The following PDE1A variants were observed in gnomAD, a reference collection of about 807,000 sequenced individuals.
PDE1A encodes the protein dual specificity calcium/calmodulin-dependent 3',5'-cyclic nucleotide phosphodiesterase 1A.
Under a neutral mutation model 61.7 loss-of-function variants are expected in PDE1A, and 35 were observed. The ratio of observed to expected loss-of-function variants is 0.57; its 90% CI spans 0.43 to 0.75. The LOEUF (loss-of-function observed/expected upper bound fraction) is 0.75. Ranked by LOEUF, PDE1A falls within the 30% of genes least tolerant of loss-of-function variation. The probability of loss-of-function intolerance (pLI) is 0.00; values close to 1 mark genes in which losing one functional copy is unlikely to be tolerated. For missense variants in PDE1A, 597 were observed against 630.6 expected, an observed-to-expected ratio of 0.95 and a Z score of 0.57; for synonymous variants, 232 against 213.2, an observed-to-expected ratio of 1.09 and a Z score of -0.77.
intron 1 of PDE1A, among the ~76,000 whole-genome samples, chr2:182,422,417 A>T (rs1703337721): frequency 6.6e-6 from 1 of 152,248 alleles, no homozygotes; most frequent in South Asian, 2.1e-4. Flanking sequence ...AAAACAAAAT[A>T]TCAAGTAAGA....
At chr2:182,491,299 G>A (rs539819569) in intron 2 of PDE1A, among the ~76,000 whole-genome samples, 13 of 152,200 alleles carry the variant, frequency 8.5e-5, no homozygotes, top group African/African-American at 2.4e-4. Context: ...AAGATTTTTC[G>A]GGAAGTCTAT....
intron 2 of PDE1A, among the ~76,000 whole-genome samples, chr2:182,434,620 C>T (rs971562294): frequency 2.0e-5 from 3 of 152,050 alleles, no homozygotes; most frequent in African/African-American, 7.2e-5. Flanking sequence ...TAAAAGTCCC[C>T]ACCTCTACTA....
the PDE1A span, among the ~76,000 whole-genome samples, chr2:182,639,538 G>A: frequency 1.3e-5 from 2 of 151,906 alleles, no homozygotes; most frequent in African/African-American, 2.4e-5. Flanking sequence ...ACTGCACTCC[G>A]GCCTGCATGA....
chr2:182,544,268 T>G, the PDE1A span, among the ~76,000 whole-genome samples: 4 of 152,048 alleles, frequency 2.6e-5, no homozygotes, highest in African/African-American at 9.7e-5. Context: ...TTGCTCAGAG[T>G]AGCAGCAGGA....
In PDE1A at chr2:182,186,704, T is replaced by C. The variant is rs557793094; in HGVS notation, c.1208-116A>G. 5.9e-5 allele frequency: 56 copies of C among 955,420 alleles called. No homozygotes were observed. The African/African-American group carries it at 8.5e-4, about 14-fold the overall frequency. 59.2% of individuals were successfully genotyped at this position (955,420 alleles called of 1,614,324 possible). A position where few individuals can be genotyped will look rare whatever the true frequency, so the allele number is the denominator to read the frequency against. ...CAATCCTGGGATAGCAAGAATCAACTAAAATATTGGTTCTGCTTACCCTTT... is the reference window on the plus strand; with the variant it reads ...CAATCCTGGGATAGCAAGAATCAACCAAAATATTGGTTCTGCTTACCCTTT... On this transcript the variant is annotated intron_variant, in intron 11 of 13. Transcript: ENST00000351439.
chr2:182,635,888 C>T, the PDE1A span, among the ~76,000 whole-genome samples: 329 of 151,200 alleles, frequency 2.2e-3, 1 homozygote, highest in Non-Finnish European at 2.8e-3. Flanking sequence ...TCTCCCACTG[C>T]TCTGAGTCCT....
At chr2:182,676,136 A>C in the PDE1A span, among the ~76,000 whole-genome samples, 1 of 152,142 alleles carries the variant, frequency 6.6e-6, no homozygotes, top group African/African-American at 2.4e-5. Context: ...TTCAAAAGAT[A>C]AATGAATCCA....
rs1321811394 is a variant in PDE1A at position 182,455,045 on chromosome 2, C to T, written c.101+67231G>A. Among the ~76,000 whole-genome samples, 5 of 151,772 alleles carry T rather than the reference C, an allele frequency of 3.3e-5. No individual in the cohort carries two copies. The East Asian group carries it at 9.7e-4, about 30-fold the overall frequency. On this transcript the variant is annotated intron_variant, in intron 2 of 14. Coordinates refer to the PDE1A transcript ENST00000410103. Reference sequence around the variant, plus strand: ...TAATATCCAGAATCTACAATGAACTCAAACAAATTTACAAGAAAAAAACAA... The same window carrying T: ...TAATATCCAGAATCTACAATGAACTTAAACAAATTTACAAGAAAAAAACAA...
the PDE1A span, among the ~76,000 whole-genome samples, chr2:182,573,881 TAA>T: frequency 7.3e-4 from 103 of 140,424 alleles, 1 homozygote; most frequent in African/African-American, 2.9e-3. Context: ...GTATATATAT[TAA>T]TATATATACA....
chr2:182,264,991 TTA>T (rs1692527293), intron 1 of PDE1A, among the ~76,000 whole-genome samples: 2 of 150,862 alleles, frequency 1.3e-5, no homozygotes, highest in Non-Finnish European at 3.0e-5. Context: ...TTATTCTAAG[TTA>T]GGTGACTCAG....
At chr2:182,672,214 G>T in the PDE1A span, among the ~76,000 whole-genome samples, 2 of 152,042 alleles carry the variant, frequency 1.3e-5, no homozygotes. Flanking sequence ...TGTTCCCATT[G>T]TTACCTATTG....
chr2:182,303,738 A>G (rs1433822873), intron 1 of PDE1A, among the ~76,000 whole-genome samples: 1 of 152,218 alleles, frequency 6.6e-6, no homozygotes, highest in Non-Finnish European at 1.5e-5. Flanking sequence ...CATCTTTTCC[A>G]TTAGGCTGAT....
the PDE1A span, among the ~76,000 whole-genome samples, chr2:182,583,639 C>G: frequency 6.6e-6 from 1 of 152,280 alleles, no homozygotes; most frequent in East Asian, 1.9e-4. Flanking sequence ...AAGTTGGGTT[C>G]AATCTCTCTC....
At chr2:182,475,335 G>A (rs927477578) in intron 2 of PDE1A, among the ~76,000 whole-genome samples, 1 of 151,914 alleles carries the variant, frequency 6.6e-6, no homozygotes. Flanking sequence ...CCCACTAATG[G>A]AGGCAAGACA....
At chr2:182,405,573 C>T (rs1702252905) in intron 1 of PDE1A, among the ~76,000 whole-genome samples, 1 of 151,888 alleles carries the variant, frequency 6.6e-6, no homozygotes, top group Admixed American at 6.6e-5. Flanking sequence ...CTGTCAAAAA[C>T]TACACTCACC....
chr2:182,385,505 T>C (rs1700977675), intron 1 of PDE1A, among the ~76,000 whole-genome samples: 1 of 151,758 alleles, frequency 6.6e-6, no homozygotes, highest in Non-Finnish European at 1.5e-5. Context: ...AGTTATTAGA[T>C]TTTTTGCAAG....
intron 7 of PDE1A, 72 bp downstream of exon 7, chr2:182,223,792 C>T (rs1688921975): frequency 1.2e-6 from 1 of 821,962 alleles, no homozygotes; most frequent in Non-Finnish European, 1.9e-6. Context: ...TTTTAAAAAT[C>T]CTCTTAAGTG....
At chr2:182,666,532 C>T in the PDE1A span, among the ~76,000 whole-genome samples, 1 of 151,546 alleles carries the variant, frequency 6.6e-6, no homozygotes, top group Non-Finnish European at 1.5e-5. Context: ...CGCTTGAACC[C>T]GGGAGGCAGA....
chr2:182,169,128 G>T (rs993730596), intron 13 of PDE1A, among the ~76,000 whole-genome samples: 1 of 151,928 alleles, frequency 6.6e-6, no homozygotes, highest in Non-Finnish European at 1.5e-5. Flanking sequence ...GCATTAAGAT[G>T]AACTATAGAA....
Sources: gnomAD v4.1 joint callset for allele counts (sites outside exome capture counted in the v4.1 genomes callset) on GRCh38, gnomAD v4.1.1 for gene constraint, MANE v1.5 for transcripts, NCBI Gene and HGNC (gene_info 2026-07-23, HGNC 2026-07-21) for gene names.